The following TMEM117 variants were observed in gnomAD, a reference collection of about 807,000 sequenced individuals.
TMEM117 encodes transmembrane protein 117.
Under a neutral mutation model 52.4 loss-of-function variants are expected in TMEM117, and 27 were observed. The ratio of observed to expected loss-of-function variants is 0.51; its 90% confidence interval spans 0.38 to 0.71. TMEM117 has a LOEUF of 0.71. Ranked by LOEUF, TMEM117 falls within the 30% of genes least tolerant of loss-of-function variation. The pLI is 0.00. For synonymous variants in TMEM117, 215 were observed against 206.3 expected (o/e 1.04, Z -0.36); for missense variants, 556 against 630.5 (o/e 0.88, Z 1.26).
intron 2 of TMEM117, among the ~76,000 whole-genome samples, chr12:43,848,811 A>C (rs780423376): frequency 2.6e-5 from 4 of 152,194 alleles, no homozygotes; most frequent in African/African-American, 9.6e-5. Context: ...TTAAGATGAA[A>C]TCTTTACAAT....
the TMEM117 span, among the ~76,000 whole-genome samples, chr12:43,801,550 C>T: frequency 6.6e-6 from 1 of 152,156 alleles, no homozygotes; most frequent in South Asian, 2.1e-4. Context: ...AATCTACTAC[C>T]AGCTTTCCTA....
intron 3 of TMEM117, among the ~76,000 whole-genome samples, chr12:43,981,257 A>T (rs1190391907): frequency 6.6e-6 from 1 of 152,128 alleles, no homozygotes; most frequent in African/African-American, 2.4e-5. Flanking sequence ...AGACCACTTG[A>T]ATAAAGGCTT....
intron 3 of TMEM117, among the ~76,000 whole-genome samples, chr12:44,082,208 C>G (rs1947492093): frequency 6.6e-6 from 1 of 151,782 alleles, no homozygotes; most frequent in African/African-American, 2.4e-5. Flanking sequence ...AGCATGAAAT[C>G]TATGGGCGTG....
At chr12:44,303,673 T>G (rs1950870237) in intron 6 of TMEM117, among the ~76,000 whole-genome samples, 1 of 152,204 alleles carries the variant, frequency 6.6e-6, no homozygotes, top group Non-Finnish European at 1.5e-5. Flanking sequence ...TATCTCAGTT[T>G]CTGTTAAGTA....
Position 44,082,298 on chromosome 12 carries a change from T to C in TMEM117, c.411-61227T>C, listed in dbSNP as rs571785333. On this transcript the variant is annotated intron_variant, in intron 3 of 7. Coordinates refer to ENST00000266534, the MANE Select transcript of TMEM117 (RefSeq NM_032256.3). ...TAGTCCAAATTCAACATTTTTTCTC[T>C]ACGAATGTATGAAACTTAATTGATA... Among the ~76,000 whole-genome samples the C allele has an allele frequency of 7.2e-5, 11 of 152,096 alleles. 1 individual carries two copies. In the South Asian group the frequency reaches 2.3e-3, roughly 32 times the overall value.
chr12:43,930,856 G>A (rs901366289), intron 2 of TMEM117, among the ~76,000 whole-genome samples: 3 of 152,068 alleles, frequency 2.0e-5, no homozygotes, highest in Non-Finnish European at 4.4e-5. Flanking sequence ...AGAGTTTTTT[G>A]GCCTCATTGC....
chr12:44,084,796 G>T (rs1947539411), intron 3 of TMEM117, among the ~76,000 whole-genome samples: 1 of 152,118 alleles, frequency 6.6e-6, no homozygotes, highest in South Asian at 2.1e-4. Context: ...TTACGTTGTT[G>T]CTTCCTATAT....
intron 3 of TMEM117, among the ~76,000 whole-genome samples, chr12:44,055,121 A>T (rs1181542369): frequency 6.6e-6 from 1 of 152,214 alleles, no homozygotes; most frequent in Non-Finnish European, 1.5e-5. Context: ...AACATTTTAG[A>T]TAAGAAAAGT....
At chr12:44,384,895 C>T (rs1463255048) in intron 7 of TMEM117, among the ~76,000 whole-genome samples, 3 of 152,264 alleles carry the variant, frequency 2.0e-5, no homozygotes, top group Middle Eastern at 3.4e-3. Context: ...CACAACATCT[C>T]ATTTTATCCT....
the TMEM117 span, chr12:43,797,674 A>C: frequency 6.2e-7 from 1 of 1,601,808 alleles, no homozygotes; most frequent in Non-Finnish European, 8.5e-7. Flanking sequence ...TACCAAAAAG[A>C]GCAGCCACTT....
chr12:44,119,544 G>C (rs1360936894), intron 3 of TMEM117, among the ~76,000 whole-genome samples: 6 of 152,136 alleles, frequency 3.9e-5, no homozygotes, highest in Non-Finnish European at 8.8e-5. Flanking sequence ...AAGTGCTTAG[G>C]ATTCTTACAG....
intron 3 of TMEM117, among the ~76,000 whole-genome samples, chr12:43,985,402 A>T (rs1945831862): frequency 6.6e-6 from 1 of 152,194 alleles, no homozygotes; most frequent in Non-Finnish European, 1.5e-5. Context: ...AATTTGGCCT[A>T]TTCCAAAGAA....
Position 44,376,577 on chromosome 12 carries a change from T to G in TMEM117, c.769-18T>G. ...ATGAAACGAATCACAAATGTTTTTA[T>G]TTGATTTTCTCTGACAGGACTGGGA... On this transcript the variant is annotated intron_variant, in intron 6 of 7. Transcript: ENST00000266534. 6.3e-7 allele frequency: 1 copy of G among 1,586,730 alleles called. No homozygotes were observed. Among genetic ancestry groups the G allele is most frequent in the South Asian group, 1.2e-5 (1 of 85,846 alleles).
chr12:44,148,172 G>A (rs1334989698), intron 4 of TMEM117, among the ~76,000 whole-genome samples: 13 of 152,180 alleles, frequency 8.5e-5, no homozygotes, highest in Admixed American at 8.5e-4. Context: ...ACAGGAAAAA[G>A]TCAGTTTAGT....
intron 3 of TMEM117, among the ~76,000 whole-genome samples, chr12:44,057,157 G>A (rs1376234911): frequency 1.3e-5 from 2 of 152,158 alleles, no homozygotes; most frequent in East Asian, 3.8e-4. Context: ...TATGTTTTGT[G>A]AACTTCAGCT....
chr12:43,857,137 G>A (rs1036091448), intron 2 of TMEM117, among the ~76,000 whole-genome samples: 5 of 152,234 alleles, frequency 3.3e-5, no homozygotes, highest in African/African-American at 1.2e-4. Flanking sequence ...ATCCATTAGC[G>A]CTAAAGGGCA....
intron 3 of TMEM117, among the ~76,000 whole-genome samples, chr12:44,043,486 T>C (rs1483796907): frequency 6.6e-6 from 1 of 152,130 alleles, no homozygotes; most frequent in Non-Finnish European, 1.5e-5. Context: ...TGAAACTTTT[T>C]TTGCCATAAG....
chr12:44,204,593 G>C (rs1303606400), intron 4 of TMEM117, among the ~76,000 whole-genome samples: 1 of 151,986 alleles, frequency 6.6e-6, no homozygotes, highest in Non-Finnish European at 1.5e-5. Flanking sequence ...AGCCCAAATA[G>C]CCAAAGCAAT....
intron 5 of TMEM117, among the ~76,000 whole-genome samples, chr12:44,279,835 G>A (rs1027340299): frequency 1.3e-5 from 2 of 151,998 alleles, no homozygotes; most frequent in African/African-American, 2.4e-5. Flanking sequence ...AAGCAATCTC[G>A]TGTTGAAGAA....
Sources: allele counts gnomAD v4.1 joint callset (sites outside exome capture counted in the v4.1 genomes callset), GRCh38; gene constraint gnomAD v4.1.1; transcripts MANE v1.5; gene names NCBI Gene and HGNC (gene_info 2026-07-23, HGNC 2026-07-21).